The following ZNF578 variants were observed in gnomAD, a reference collection of about 807,000 sequenced individuals.
ZNF578 encodes the protein zinc finger protein 578.
A neutral mutation model predicts 8.3 loss-of-function variants in ZNF578; 8 were observed. The observed-to-expected ratio is 0.96, with a 90% CI of 0.56 to 1.74. ZNF578 has a LOEUF of 1.74. Ranked by LOEUF, ZNF578 falls within the 40% of genes most tolerant of loss-of-function variation. ZNF578 has a pLI of 0.00. For missense variants in ZNF578, 726 were observed against 707.5 expected, an observed-to-expected ratio of 1.03 and a Z score of -0.30; for synonymous variants, 206 against 232.2, an observed-to-expected ratio of 0.89 and a Z score of 1.03.
intron 3 of ZNF578, among the ~76,000 whole-genome samples, chr19:52,497,852 G>C (rs373175303): frequency 6.6e-6 from 1 of 152,104 alleles, no homozygotes; most frequent in East Asian, 1.9e-4. Context: ...TTCTAAGTAA[G>C]TGTCCCCCTC....
chr19:52,512,093 A>G lies in ZNF578; in HGVS notation c.1712A>G (p.Glu571Gly), dbSNP rs2059450884. ...GGAGAGAAACCTTACAAGTGTAATG[A>G]GTGTGGTAAGGCTCACAATCACTTG... ...HSGEKPYKCN[E>G]CGKAHNHLID... Residue 571 changes from glutamate to glycine, a missense_variant, in exon 6 of 6, where the codon GAG becomes GGG. Coordinates refer to ENST00000421239, the MANE Select transcript of ZNF578 (RefSeq NM_001099694.2). 2.5e-6 allele frequency: 4 copies of G among 1,613,492 alleles called. No homozygotes were observed. In the South Asian group the frequency reaches 4.4e-5, roughly 18 times the overall value.
intron 2 of ZNF578, among the ~76,000 whole-genome samples, chr19:52,463,970 C>T (rs528402338): frequency 1.6e-4 from 25 of 152,222 alleles, no homozygotes; most frequent in African/African-American, 5.8e-4. Context: ...CCAACAAATT[C>T]CGCTAAATTA....
chr19:52,477,399 G>T (rs1051223133), intron 2 of ZNF578, among the ~76,000 whole-genome samples: 5 of 152,044 alleles, frequency 3.3e-5, no homozygotes, highest in African/African-American at 4.8e-5. Flanking sequence ...CCTGATGGGG[G>T]TACGATTCTG....
At chr19:52,505,256 C>T (rs905867176) in intron 5 of ZNF578, among the ~76,000 whole-genome samples, 11 of 152,078 alleles carry the variant, frequency 7.2e-5, no homozygotes, top group Admixed American at 6.5e-4. Context: ...ATCCCATAAA[C>T]TAATGATCAT....
Position 52,512,219 on chromosome 19 carries a change from C to T in ZNF578, c.*65C>T, listed in dbSNP as rs552804023. ...TGACAAAGTTTTCAGTCACAGATCA[C>T]GCCTTAAAAGACATAGGAGAATTCA... On this transcript the variant is annotated 3_prime_UTR_variant, in exon 6 of 6. Transcript: ENST00000421239. 110 of 1,600,370 alleles carry T rather than the reference C, an allele frequency of 6.9e-5. No individual in the cohort carries two copies. The African/African-American group carries it at 1.2e-3, about 18-fold the overall frequency.
At chr19:52,495,003 T>TG (rs2059380794) in intron 3 of ZNF578, among the ~76,000 whole-genome samples, 1 of 150,034 alleles carries the variant, frequency 6.7e-6, no homozygotes. Context: ...AGCTAGTTGT[T>TG]TTTTTTTTCT....
At chr19:52,494,171 A>G (rs2059377515) in intron 3 of ZNF578, among the ~76,000 whole-genome samples, 1 of 151,804 alleles carries the variant, frequency 6.6e-6, no homozygotes, top group Admixed American at 6.6e-5. Context: ...TGTGTAAAGA[A>G]TTAGGGAGGG....
At chr19:52,479,069 A>T (rs886405098) in intron 2 of ZNF578, among the ~76,000 whole-genome samples, 4 of 152,090 alleles carry the variant, frequency 2.6e-5, no homozygotes, top group African/African-American at 9.7e-5. Context: ...TCAAATCAAG[A>T]GTGCCTGTCT....
intron 5 of ZNF578, among the ~76,000 whole-genome samples, chr19:52,505,436 T>C (rs2059422422): frequency 6.6e-6 from 1 of 152,190 alleles, no homozygotes; most frequent in Admixed American, 6.5e-5. Context: ...TTTTTGTTTT[T>C]GTTTTTGAGA....
chr19:52,492,611 A>G (rs938981201), intron 3 of ZNF578, among the ~76,000 whole-genome samples: 23 of 152,058 alleles, frequency 1.5e-4, no homozygotes, highest in Non-Finnish European at 2.5e-4. Flanking sequence ...TCATGCCTCA[A>G]CCTTCCTGGC....
intron 3 of ZNF578, among the ~76,000 whole-genome samples, chr19:52,499,485 C>G (rs2059398796): frequency 6.6e-6 from 1 of 152,296 alleles, no homozygotes; most frequent in South Asian, 2.1e-4. Context: ...AAGTGACTTC[C>G]TAAATCCCCA....
intron 4 of ZNF578, 60 bp downstream of exon 4, chr19:52,501,968 T>TTATATTGTATTGTAGTAA (rs2059409529): frequency 6.3e-7 from 1 of 1,585,544 alleles, no homozygotes; most frequent in African/African-American, 1.4e-5. Context: ...TGTAGTAGTA[T>TTATATTGTATTGTAGTAA]TATATTGTAT....
intron 2 of ZNF578, among the ~76,000 whole-genome samples, chr19:52,489,846 T>C (rs1200433602): frequency 5.3e-5 from 8 of 151,896 alleles, no homozygotes; most frequent in Admixed American, 1.3e-4. Flanking sequence ...TTAGTAGAGA[T>C]GGGGTTTCAC....
chr19:52,510,172 G>T (rs1261549697), intron 5 of ZNF578, among the ~76,000 whole-genome samples: 2 of 150,596 alleles, frequency 1.3e-5, no homozygotes, highest in African/African-American at 2.4e-5. Flanking sequence ...ATATTGTGTG[G>T]TGTTTTTTTT....
chr19:52,507,050 T>G (rs1334512582), intron 5 of ZNF578, among the ~76,000 whole-genome samples: 2 of 152,146 alleles, frequency 1.3e-5, no homozygotes, highest in African/African-American at 2.4e-5. Flanking sequence ...GTCAGGAGTT[T>G]GAGACCAGTC....
intron 2 of ZNF578, among the ~76,000 whole-genome samples, chr19:52,467,493 G>C (rs74826240): frequency 1.2e-4 from 18 of 152,178 alleles, no homozygotes; most frequent in African/African-American, 3.9e-4. Context: ...GCACAAACCT[G>C]TAGTCCCACC....
intron 2 of ZNF578, among the ~76,000 whole-genome samples, chr19:52,468,653 A>C (rs2059282681): frequency 6.6e-6 from 1 of 152,118 alleles, no homozygotes; most frequent in Admixed American, 6.5e-5. Flanking sequence ...GTTGCCGAGG[A>C]GATTGACATT....
intron 5 of ZNF578, among the ~76,000 whole-genome samples, chr19:52,505,643 C>G (rs2059423142): frequency 6.6e-6 from 1 of 152,020 alleles, no homozygotes; most frequent in South Asian, 2.1e-4. Flanking sequence ...CCAAGATGCT[C>G]TCGATCTCCT....
chr19:52,496,947 A>T (rs2059388966), intron 3 of ZNF578, among the ~76,000 whole-genome samples: 1 of 151,412 alleles, frequency 6.6e-6, no homozygotes, highest in South Asian at 2.1e-4. Flanking sequence ...TTTAATTTTT[A>T]TTTTTTTGAG....
Sources: allele counts gnomAD v4.1 joint callset (sites outside exome capture counted in the v4.1 genomes callset), GRCh38; gene constraint gnomAD v4.1.1; transcripts MANE v1.5; gene names NCBI Gene and HGNC (gene_info 2026-07-23, HGNC 2026-07-21).